The following CRLF2 variants were observed in gnomAD, a reference collection of about 807,000 sequenced individuals.
CRLF2 encodes cytokine receptor-like factor 2.
Under a neutral mutation model 38.7 loss-of-function variants are expected in CRLF2, and 41 were observed. The ratio of observed to expected loss-of-function variants is 1.06; its 90% confidence interval spans 0.83 to 1.37. The LOEUF is 1.37. CRLF2 is among the 40% of genes most tolerant of loss of function. The pLI is 0.00. For synonymous variants in CRLF2, 140 were observed against 128.8 expected (o/e 1.09, Z -0.59); for missense variants, 377 against 322.2 (o/e 1.17, Z -1.30).
At chrX:1,197,394 C>A (rs1210101484) in intron 5 of CRLF2, among the ~76,000 whole-genome samples, 2 of 151,856 alleles carry the variant, frequency 1.3e-5, no homozygotes, top group East Asian at 1.9e-4. Flanking sequence ...CCACAGCCAC[C>A]CCGAGGAAGT....
At chrX:1,192,720 C>CT (rs1368542517) in intron 7 of CRLF2, among the ~76,000 whole-genome samples, 3 of 51,766 alleles carry the variant, frequency 5.8e-5, no homozygotes, top group Non-Finnish European at 1.0e-4. Context: ...TTCTTTCTTT[C>CT]TTTCTTTCTT....
rs367940274 is a variant in CRLF2, at chrX:1,196,942, C to G, written c.647-42G>C. 88 of 1,597,118 alleles carry G rather than the reference C, an allele frequency of 5.5e-5. 1 individual carries two copies. The Admixed American group carries it at 1.4e-3, about 26-fold the overall frequency. ...AGGCGGCTGTCAGTTTTCAACATGACGTGCGGCTGTACGTTTTCAACGTGA... is the reference window on the plus strand; with the variant it reads ...AGGCGGCTGTCAGTTTTCAACATGAGGTGCGGCTGTACGTTTTCAACGTGA... On this transcript the variant is annotated intron_variant, in intron 5 of 7. Transcript: ENST00000400841.
intron 2 of CRLF2, among the ~76,000 whole-genome samples, chrX:1,207,544 A>G (rs551623406): frequency 3.2e-4 from 38 of 117,862 alleles, no homozygotes; most frequent in Middle Eastern, 6.1e-3. Flanking sequence ...GATAACAGGC[A>G]TGAGCCAACA....
Position 1,196,920 on chromosome X carries a change from CG to C in CRLF2, c.647-21del, listed in dbSNP as rs1569468009. 1.2e-6 allele frequency: 2 copies of C among 1,609,842 alleles called. No homozygotes were observed. Among genetic ancestry groups the C allele is most frequent in the African/African-American group, 2.7e-5 (2 of 74,662 alleles). Reference sequence around the variant, plus strand: ...AGGCATCTGAAACAAAATGAAAAGGCGGCTGTCAGTTTTCAACATGACGTGC... The same window carrying C: ...AGGCATCTGAAACAAAATGAAAAGGCGCTGTCAGTTTTCAACATGACGTGC... On this transcript the variant is annotated intron_variant, in intron 5 of 7. Coordinates refer to ENST00000400841, the MANE Select transcript of CRLF2 (RefSeq NM_022148.4).
intron 7 of CRLF2, 135 bp from the exon 8 acceptor site, chrX:1,191,295 C>CTCTTTTTCTTTCTT: frequency 3.0e-6 from 1 of 329,052 alleles, no homozygotes; most frequent in Non-Finnish European, 5.1e-6. Flanking sequence ...CTTTTCTTTT[C>CTCTTTTTCTTTCTT]TCTTTCTTTC....
chrX:1,209,439 C>T (rs1424810961), intron 1 of CRLF2, among the ~76,000 whole-genome samples: 1 of 151,834 alleles, frequency 6.6e-6, no homozygotes, highest in East Asian at 1.9e-4. Context: ...TCACGCCATT[C>T]TCCTGCCTCA....
At chrX:1,195,764 TTA>T (rs1190066388) in intron 6 of CRLF2, among the ~76,000 whole-genome samples, 34 of 138,352 alleles carry the variant, frequency 2.5e-4, no homozygotes, top group African/African-American at 5.5e-4. Flanking sequence ...TATTTTTATA[TTA>T]TATATATATT....
intron 1 of CRLF2, 133 bp downstream of exon 1, chrX:1,212,417 GGAAAAA>G: frequency 1.9e-6 from 1 of 531,576 alleles, no homozygotes; most frequent in Non-Finnish European, 3.1e-6. Flanking sequence ...GCTTGAACCC[GGAAAAA>G]AAAAAAAAAA....
intron 3 of CRLF2, among the ~76,000 whole-genome samples, chrX:1,205,417 A>G (rs1393980748): frequency 6.6e-6 from 1 of 152,160 alleles, no homozygotes; most frequent in East Asian, 1.9e-4. Flanking sequence ...GACTTGCGAG[A>G]GCTTGCTTTT....
chrX:1,197,893 TC>T (rs1350351880), intron 5 of CRLF2, among the ~76,000 whole-genome samples: 3 of 151,784 alleles, frequency 2.0e-5, no homozygotes, highest in Admixed American at 6.6e-5. Flanking sequence ...TCCCAGGCAC[TC>T]GGGAGGCTGA....
At chrX:1,195,527 C>T (rs1403108392) in intron 6 of CRLF2, among the ~76,000 whole-genome samples, 2 of 151,750 alleles carry the variant, frequency 1.3e-5, no homozygotes, top group South Asian at 4.1e-4. Flanking sequence ...TCCACCTCAG[C>T]CTCCCAAATA....
Position 1,212,630 on chromosome X carries a change from C to T in CRLF2, c.5G>A (p.Gly2Glu), listed in dbSNP as rs2086826167. Residue 2 changes from glycine to glutamate, a missense_variant, in exon 1 of 8, where the codon GGG becomes GAG. Physicochemically the swap from Gly to Glu is moderately conservative, Grantham distance 98 (BLOSUM62 -2). Coordinates refer to ENST00000400841, the MANE Select transcript of CRLF2 (RefSeq NM_022148.4). M[G>E]RLVLLWGAAV... ...AGCTCCCCACAGCAGAACCAGCCGCCCCATGCCTGAAACAGGAGTGGAGAG... is the reference window on the plus strand; with the variant it reads ...AGCTCCCCACAGCAGAACCAGCCGCTCCATGCCTGAAACAGGAGTGGAGAG... The T allele has an allele frequency of 6.2e-7, 1 of 1,611,644 alleles. No homozygotes were observed. Among genetic ancestry groups the T allele is most frequent in the Non-Finnish European group, 8.5e-7 (1 of 1,178,232 alleles).
chrX:1,195,424 G>C (rs2086457779), intron 6 of CRLF2, among the ~76,000 whole-genome samples: 1 of 151,774 alleles, frequency 6.6e-6, no homozygotes, highest in Non-Finnish European at 1.5e-5. Flanking sequence ...CTTTCTTTTT[G>C]AGAGACAGGA....
intron 5 of CRLF2, among the ~76,000 whole-genome samples, chrX:1,198,206 C>G (rs2086528897): frequency 8.2e-6 from 1 of 122,102 alleles, no homozygotes; most frequent in African/African-American, 3.4e-5. Flanking sequence ...GACACCCTCC[C>G]TCCCACCTCG....
chrX:1,206,333 C>T, intron 3 of CRLF2, 100 bp downstream of exon 3: 1 of 1,042,288 alleles, frequency 9.6e-7, no homozygotes, highest in Non-Finnish European at 1.5e-6. Flanking sequence ...TAACGGTAAT[C>T]ATGGATCCGG....
In CRLF2 at chrX:1,196,902, T is replaced by C. The variant is rs1188576789; in HGVS notation, c.647-2A>G. On this transcript the variant is annotated splice_acceptor_variant, in intron 5 of 7. Coordinates refer to ENST00000400841, the MANE Select transcript of CRLF2 (RefSeq NM_022148.4). LOFTEE classifies it high-confidence loss of function. The stretch of plus-strand genomic sequence containing the variant: ...GCGTTGGTGTCTCTGCACAGGCATC[T>C]GAAACAAAATGAAAAGGCGGCTGTC... The C allele has an allele frequency of 1.2e-6, 2 of 1,611,332 alleles. No homozygotes were observed. Among genetic ancestry groups the C allele is most frequent in the Non-Finnish European group, 1.7e-6 (2 of 1,178,922 alleles).
intron 5 of CRLF2, 141 bp from the exon 6 acceptor site, chrX:1,197,041 T>G (rs1368713443): frequency 1.4e-6 from 1 of 692,050 alleles, no homozygotes; most frequent in African/African-American, 1.9e-5. Context: ...TCGTTGTTTG[T>G]TTTTTGTTTT....
At chrX:1,191,325 C>CTTTCTTTCTTTCTT (rs2086372547) in intron 7 of CRLF2, among the ~76,000 whole-genome samples, 165 bp from the exon 8 acceptor site, 1 of 115,712 alleles carries the variant, frequency 8.6e-6, no homozygotes, top group Non-Finnish European at 1.8e-5. Context: ...TTCTTTCTTT[C>CTTTCTTTCTTTCTT]TTTCTTTCTT....
At chrX:1,211,795 G>A (rs1217897057) in intron 1 of CRLF2, among the ~76,000 whole-genome samples, 2 of 76,658 alleles carry the variant, frequency 2.6e-5, no homozygotes, top group African/African-American at 1.6e-4. Context: ...ATGTATTGGT[G>A]GATGGATGGG....
Sources: allele counts gnomAD v4.1 joint callset (sites outside exome capture counted in the v4.1 genomes callset), GRCh38; gene constraint gnomAD v4.1.1; transcripts MANE v1.5; gene names NCBI Gene and HGNC (gene_info 2026-07-23, HGNC 2026-07-21).